Variants in PTS observed in about 807,000 individuals in gnomAD.
PTS encodes 6-pyruvoyltetrahydropterin synthase, also known as 6-pyruvoyl tetrahydrobiopterin synthase.
PTS carries 23 observed loss-of-function variants against 20.6 expected under a neutral mutation model. The ratio of observed to expected loss-of-function variants is 1.12; its 90% CI spans 0.80 to 1.58. PTS has a LOEUF of 1.58. Among genes scored for constraint, PTS ranks in the 40% most tolerant of loss-of-function variants. The pLI, the probability that PTS is intolerant of heterozygous loss-of-function variation, is 0.00. For missense variants in PTS, 186 were observed against 182.4 expected, an observed-to-expected ratio of 1.02 and a Z score of -0.11; for synonymous variants, 65 against 62.5, an observed-to-expected ratio of 1.04 and a Z score of -0.19.
rs369552465 is a variant in PTS at position 112,228,688 on chromosome 11, G to A, written c.163+15G>A. On this transcript the variant is annotated intron_variant, in intron 2 of 5. Transcript: ENST00000280362. The stretch of plus-strand genomic sequence containing the variant: ...CAATTATAAAGGTGAGAGAAAAACT[G>A]ATGACATTTCAGCCCTTCAATAAGG... 1.9e-5 allele frequency: 30 copies of A among 1,599,960 alleles called. No individual in the cohort carries two copies. The highest frequency in any genetic ancestry group is 1.8e-4 in the East Asian group (8 of 44,744).
chr11:112,230,269 C>T (rs1397327359), intron 3 of PTS, 39 bp downstream of exon 3: 6 of 1,599,654 alleles, frequency 3.8e-6, no homozygotes, highest in Non-Finnish European at 5.1e-6. Flanking sequence ...TTGCAGATTG[C>T]TGGGCTCTCT....
chr11:112,228,808 A>G, intron 2 of PTS, 135 bp downstream of exon 2: 1 of 807,676 alleles, frequency 1.2e-6, no homozygotes, highest in Non-Finnish European at 2.0e-6. Flanking sequence ...ATTAAATGGG[A>G]GTTCAGAATG....
At chr11:112,226,590 C>T (rs1482281184) in intron 1 of PTS, 64 bp downstream of exon 1, 9 of 1,393,260 alleles carry the variant, frequency 6.5e-6, no homozygotes, top group South Asian at 5.7e-5. Context: ...GTCACCGGGG[C>T]GGGGCCGGCG....
At chr11:112,232,538 C>T (rs1296345308) in intron 4 of PTS, among the ~76,000 whole-genome samples, 2 of 151,802 alleles carry the variant, frequency 1.3e-5, no homozygotes, top group Admixed American at 1.3e-4. Flanking sequence ...TTTGCAATAG[C>T]TAAAAGCAAA....
intron 3 of PTS, 125 bp from the exon 4 acceptor site, chr11:112,230,501 C>A: frequency 1.1e-6 from 1 of 929,572 alleles, no homozygotes; most frequent in Non-Finnish European, 1.8e-6. Context: ...ATGATTATCT[C>A]TGGGATGAAG....
intron 4 of PTS, among the ~76,000 whole-genome samples, chr11:112,231,977 GAAA>G (rs1566817032): frequency 5.6e-5 from 8 of 143,754 alleles, no homozygotes; most frequent in African/African-American, 2.4e-4. Flanking sequence ...GAAAAGAAAA[GAAA>G]GAAAAGAGAC....
intron 1 of PTS, 60 bp downstream of exon 1, chr11:112,226,586 G>C: frequency 1.4e-6 from 2 of 1,430,362 alleles, no homozygotes; most frequent in Non-Finnish European, 1.9e-6. Context: ...GAACGTCACC[G>C]GGGCGGGGCC....
chr11:112,226,468 C>T lies in PTS; in HGVS notation c.25C>T (p.Arg9Cys), dbSNP rs1859865664. ...GATGAGCACGGAAGGTGGTGGCCGTCGCTGCCAGGCACAAGTGTCCCGCCG... is the reference window on the plus strand; with the variant it reads ...GATGAGCACGGAAGGTGGTGGCCGTTGCTGCCAGGCACAAGTGTCCCGCCG... MSTEGGGR[R>C]CQAQVSRRIS... Residue 9 changes from arginine (R) to cysteine (C), a missense_variant, in exon 1 of 6, where the codon CGC becomes TGC. Arg to Cys is a radical substitution (Grantham distance 180, BLOSUM62 -3). Transcript: ENST00000280362. 3 of 1,581,072 alleles carry T rather than the reference C, an allele frequency of 1.9e-6. No individual in the cohort carries two copies. The highest frequency in any genetic ancestry group is 1.7e-6 in the Non-Finnish European group (2 of 1,165,780).
At chr11:112,231,877 G>C (rs1292898332) in intron 4 of PTS, among the ~76,000 whole-genome samples, 1 of 135,658 alleles carries the variant, frequency 7.4e-6, no homozygotes, top group Non-Finnish European at 1.6e-5. Flanking sequence ...GAGAGAGAGA[G>C]AGAGGGAGAC....
intron 5 of PTS, 47 bp downstream of exon 5, chr11:112,233,280 T>C: frequency 8.9e-6 from 14 of 1,576,302 alleles, no homozygotes; most frequent in Non-Finnish European, 1.2e-5. Flanking sequence ...AAACAAGAAT[T>C]GATTTGAATA....
At position 112,228,637 on chromosome 11, in the gene PTS, T is replaced by G. The variant is rs763354378; in HGVS notation, c.127T>G (p.Cys43Gly). ...DEENLKLFGK[C>G]NNPNGHGHNY... ...AGAAAACTTGAAACTGTTTGGGAAA[T>G]GCAACAATCCAAATGGCCATGGGCA... Residue 43 changes from cysteine (C) to glycine (G), a missense_variant, in exon 2 of 6, where the codon TGC becomes GGC. Physicochemically the swap from Cys to Gly is radical, Grantham distance 159. Coordinates refer to ENST00000280362, the MANE Select transcript of PTS (RefSeq NM_000317.3). 1 of 1,610,288 alleles carries G rather than the reference T, an allele frequency of 6.2e-7. No homozygotes were observed. Among genetic ancestry groups the G allele is most frequent in the Non-Finnish European group, 8.5e-7 (1 of 1,179,368 alleles).
At chr11:112,232,176 C>T (rs544399054) in intron 4 of PTS, among the ~76,000 whole-genome samples, 1 of 152,168 alleles carries the variant, frequency 6.6e-6, no homozygotes, top group Admixed American at 6.5e-5. Flanking sequence ...TCCAGGAGTT[C>T]AAGGCTGCAG....
chr11:112,229,472 A>T (rs1859903585), intron 2 of PTS: 1 of 151,410 alleles, frequency 6.6e-6, no homozygotes, highest in East Asian at 1.9e-4. Flanking sequence ...CGTCACTACA[A>T]CCTCCACCTC....
intron 2 of PTS, chr11:112,229,238 G>C (rs950384626): frequency 6.4e-5 from 10 of 155,982 alleles, no homozygotes; most frequent in African/African-American, 2.4e-4. Context: ...AGGAGATTAG[G>C]ATTACTGGTT....
At chr11:112,229,230 G>A in intron 2 of PTS, 1 of 156,682 alleles carries the variant, frequency 6.4e-6, no homozygotes, top group Non-Finnish European at 1.4e-5. Context: ...AAGGTGTCAG[G>A]AGATTAGGAT....
At chr11:112,230,345 T>G (rs1443448947) in intron 3 of PTS, 115 bp downstream of exon 3, 4 of 1,293,134 alleles carry the variant, frequency 3.1e-6, no homozygotes, top group Middle Eastern at 1.8e-4. Flanking sequence ...TTGTTGGCCC[T>G]TGTATATGTG....
Position 112,233,160 on chromosome 11 carries a change from T to C in PTS, c.244-3T>C. The C allele has an allele frequency of 1.2e-6, 2 of 1,613,306 alleles. No individual in the cohort carries two copies. Among genetic ancestry groups the C allele is most frequent in the African/African-American group, 1.3e-5 (1 of 75,010 alleles). On this transcript the variant is annotated splice_polypyrimidine_tract_variant and splice_region_variant and intron_variant, in intron 4 of 5. Coordinates refer to ENST00000280362, the MANE Select transcript of PTS (RefSeq NM_000317.3). Reference sequence around the variant, plus strand: ...TGATATTTTCCCTTGGTTTTGTCTCTAGGAGGCGATTATGCAGCCCCTTGA... The same window carrying C: ...TGATATTTTCCCTTGGTTTTGTCTCCAGGAGGCGATTATGCAGCCCCTTGA...
At chr11:112,232,209 C>T (rs1317153776) in intron 4 of PTS, among the ~76,000 whole-genome samples, 1 of 152,082 alleles carries the variant, frequency 6.6e-6, no homozygotes, top group South Asian at 2.1e-4. Flanking sequence ...ATGCCACTTG[C>T]ACTCCAGCCT....
At chr11:112,230,773 A>G (rs1456314911) in intron 4 of PTS, 91 bp downstream of exon 4, 1 of 1,134,256 alleles carries the variant, frequency 8.8e-7, no homozygotes, top group South Asian at 1.2e-5. Context: ...TTATCTCCTA[A>G]GGTTCCATGA....
Sources: gnomAD v4.1 joint callset for allele counts (sites outside exome capture counted in the v4.1 genomes callset) on GRCh38, gnomAD v4.1.1 for gene constraint, MANE v1.5 for transcripts, NCBI Gene and HGNC (gene_info 2026-07-23, HGNC 2026-07-21) for gene names.